CCDC57: variants seen among roughly 807,000 people sequenced by gnomAD.
CCDC57 encodes coiled-coil domain-containing protein 57.
In CCDC57, 118 loss-of-function variants were observed where a neutral mutation model predicts 118.9. The observed-to-expected ratio is 0.99, with a 90% confidence interval of 0.86 to 1.16. The LOEUF is 1.16. CCDC57 is among the 50% of genes most tolerant of loss of function. The pLI, the probability that CCDC57 is intolerant of heterozygous loss-of-function variation, is 0.00. For missense variants in CCDC57, 1,300 were observed against 1,320.7 expected (o/e 0.98, Z 0.24); for synonymous variants, 527 against 532.9 (o/e 0.99, Z 0.15).
At chr17:82,103,855 G>A (rs1357713517) in intron 19 of CCDC57, among the ~76,000 whole-genome samples, 1 of 143,684 alleles carries the variant, frequency 7.0e-6, no homozygotes, top group East Asian at 2.0e-4. Flanking sequence ...GGGCAGGGAG[G>A]GTGAGCTGGC....
At chr17:82,120,110 G>A (rs963231937) in intron 19 of CCDC57, among the ~76,000 whole-genome samples, 8 of 152,218 alleles carry the variant, frequency 5.3e-5, no homozygotes, top group African/African-American at 1.9e-4. Context: ...AGTCGTTCAT[G>A]TCATTAATTT....
At chr17:82,194,650 C>CAGTCTATTAG (rs1470122745) in intron 5 of CCDC57, among the ~76,000 whole-genome samples, 1 of 152,166 alleles carries the variant, frequency 6.6e-6, no homozygotes, top group East Asian at 1.9e-4. Flanking sequence ...CCACCAAAAT[C>CAGTCTATTAG]AGTCTATTAG....
chr17:82,183,660 C>A (rs2146499520), intron 9 of CCDC57, 114 bp downstream of exon 8: 1 of 1,041,974 alleles, frequency 9.6e-7, no homozygotes, highest in East Asian at 2.6e-5. Context: ...TCTTTCTCCC[C>A]CAAGAAAATG....
chr17:82,119,061 T>C (rs955263186), intron 19 of CCDC57, among the ~76,000 whole-genome samples: 1 of 130,508 alleles, frequency 7.7e-6, no homozygotes, highest in Non-Finnish European at 1.6e-5. Context: ...TACATTCTTA[T>C]CTACCAGGCT....
intron 1 of CCDC57, among the ~76,000 whole-genome samples, chr17:82,211,251 G>A (rs2050164856): frequency 6.6e-6 from 1 of 152,102 alleles, no homozygotes; most frequent in African/African-American, 2.4e-5. Context: ...CCAAAAATCA[G>A]TAATATGAAA....
intron 19 of CCDC57, among the ~76,000 whole-genome samples, chr17:82,103,389 C>T (rs1257461073): frequency 6.6e-6 from 1 of 152,174 alleles, no homozygotes; most frequent in Non-Finnish European, 1.5e-5. Context: ...AATTCCTCCT[C>T]TTCACACAAA....
intron 10 of CCDC57, 34 bp downstream of exon 9, chr17:82,178,993 C>T (rs372417420): frequency 5.6e-6 from 9 of 1,603,680 alleles, no homozygotes; most frequent in South Asian, 4.5e-5. Flanking sequence ...GCAGAGACGC[C>T]GAGAAGGCCC....
At chr17:82,148,999 ATGGATGG>A (rs2041431768) in intron 16 of CCDC57, among the ~76,000 whole-genome samples, 3 of 63,604 alleles carry the variant, frequency 4.7e-5, no homozygotes, top group Admixed American at 4.5e-4. Context: ...AGATGGATGA[ATGGATGG>A]GTGGTGGATG....
intron 5 of CCDC57, among the ~76,000 whole-genome samples, chr17:82,194,748 A>T (rs952560391): frequency 6.6e-6 from 1 of 152,228 alleles, no homozygotes; most frequent in Non-Finnish European, 1.5e-5. Context: ...TAAATAAGGA[A>T]ATTAAACACA....
intron 2 of CCDC57, among the ~76,000 whole-genome samples, chr17:82,203,947 G>A (rs11656573): frequency 0.17 from 25,757 of 152,060 alleles, 2,532 homozygotes; most frequent in Non-Finnish European, 0.23. Flanking sequence ...CAGAGGGAGC[G>A]GGTACAAGGG....
chr17:82,172,784 T>C lies in CCDC57; in HGVS notation c.1583A>G (p.Asn528Ser), dbSNP rs867739721. 6.2e-7 allele frequency: 1 copy of C among 1,613,536 alleles called. No individual in the cohort carries two copies. ...GGCAATCGCGTTTCGCAAGCTCGTG[T>C]TCTGCTCTCGGAGCCGCTGGATCTC... The change falls in exon 12 of 20, where the codon AAC becomes AGC. Residue 528 changes from asparagine to serine, a missense_variant. Transcript: ENST00000665763. This position sits in a 1 kb window ranked among gnomAD's most constrained non-coding sequence, Gnocchi z 5.2.
chr17:82,173,923 G>A (rs2146298099), intron 11 of CCDC57, among the ~76,000 whole-genome samples: 1 of 152,312 alleles, frequency 6.6e-6, no homozygotes, highest in Non-Finnish European at 1.5e-5. Flanking sequence ...CTCTGACCAG[G>A]AGGGACTCAC....
At chr17:82,126,832 A>G (rs1047726751) in intron 19 of CCDC57, 4 of 985,316 alleles carry the variant, frequency 4.1e-6, no homozygotes, top group Non-Finnish European at 4.8e-6. Context: ...TAAAATGCGC[A>G]TGAAGGAGAG....
intron 9 of CCDC57, among the ~76,000 whole-genome samples, chr17:82,182,395 C>G (rs1157673602): frequency 6.6e-6 from 1 of 151,598 alleles, no homozygotes; most frequent in Non-Finnish European, 1.5e-5. Context: ...GCTCTGTTGC[C>G]CAGGCTGAAG....
At position 82,163,375 on chromosome 17, in the gene CCDC57, T is replaced by A; in HGVS notation, c.1883-18A>T. 6.2e-7 allele frequency: 1 copy of A among 1,612,852 alleles called. No homozygotes were observed. Among genetic ancestry groups the A allele is most frequent in the Non-Finnish European group, 8.5e-7 (1 of 1,179,022 alleles). The stretch of plus-strand genomic sequence containing the variant: ...AGACCCTCCTGCAGAGAAGAGTGGC[T>A]TCTGTCAGCTCATACCTGAGAACAA... On this transcript the variant is annotated intron_variant, in intron 13 of 19. Coordinates refer to ENST00000665763, the Ensembl canonical transcript of CCDC57.
At chr17:82,129,651 A>G (rs1391598046) in intron 17 of CCDC57, among the ~76,000 whole-genome samples, 2 of 152,192 alleles carry the variant, frequency 1.3e-5, no homozygotes, top group African/African-American at 4.8e-5. Context: ...GTACCTTCTG[A>G]TCAGACCCTT....
chr17:82,127,316 T>C, intron 19 of CCDC57: 2 of 985,132 alleles, frequency 2.0e-6, no homozygotes. Context: ...CAGGGCCGTC[T>C]AAAGTGCACC....
intron 14 of CCDC57, among the ~76,000 whole-genome samples, chr17:82,161,802 G>C (rs1445640831): frequency 6.6e-6 from 1 of 152,252 alleles, no homozygotes; most frequent in South Asian, 2.1e-4. Flanking sequence ...GGGGAGAAAA[G>C]CTCCGGTAAT....
At chr17:82,127,448 C>T (rs2037639714) in intron 19 of CCDC57, 3 of 984,920 alleles carry the variant, frequency 3.0e-6, no homozygotes, top group African/African-American at 1.8e-5. Context: ...AGTGTGCGCC[C>T]GGGTGTACGG....
Sources: allele counts gnomAD v4.1 joint callset (sites outside exome capture counted in the v4.1 genomes callset), GRCh38; gene constraint gnomAD v4.1.1; non-coding constraint Gnocchi (gnomAD v3.1); transcripts MANE v1.5; gene names NCBI Gene and HGNC (gene_info 2026-07-23, HGNC 2026-07-21).